Variants in TAFA5 observed in about 807,000 individuals in gnomAD.
TAFA5 encodes the protein TAFA chemokine like family member 5.
A neutral mutation model predicts 15.3 loss-of-function variants in TAFA5; 6 were observed. That is an observed-to-expected ratio of 0.39 (90% CI 0.21 to 0.77). The LOEUF (loss-of-function observed/expected upper bound fraction) is 0.77, where lower values mean the gene tolerates loss of function less well. Among genes scored for constraint, TAFA5 ranks in the 30% least tolerant of loss-of-function variants. The probability of loss-of-function intolerance (pLI) is 0.41; values close to 1 mark genes in which losing one functional copy is unlikely to be tolerated. For synonymous variants in TAFA5, 103 were observed against 80.7 expected, an observed-to-expected ratio of 1.28 and a Z score of -1.48; for missense variants, 161 against 193.1, an observed-to-expected ratio of 0.83 and a Z score of 0.98.
At chr22:48,659,083 G>T (rs903226017) in intron 2 of TAFA5, among the ~76,000 whole-genome samples, 3 of 152,248 alleles carry the variant, frequency 2.0e-5, no homozygotes, top group African/African-American at 7.2e-5. Context: ...CCCTGCTGAG[G>T]GCGCAGCGCC....
At chr22:48,556,220 C>T (rs1018531554) in intron 1 of TAFA5, among the ~76,000 whole-genome samples, 4 of 152,078 alleles carry the variant, frequency 2.6e-5, no homozygotes, top group South Asian at 2.1e-4. Flanking sequence ...TGAGAAGAGG[C>T]GGGTCCCTCA....
intron 2 of TAFA5, among the ~76,000 whole-genome samples, chr22:48,700,787 A>G (rs1462377950): frequency 6.6e-6 from 1 of 152,174 alleles, no homozygotes. Context: ...GTCCCACTTC[A>G]GCAGTTCAGA....
chr22:48,576,512 C>G, intron 1 of TAFA5: 1 of 1,508,906 alleles, frequency 6.6e-7, no homozygotes, highest in Non-Finnish European at 8.9e-7. Flanking sequence ...TGGGCACTGG[C>G]AGGGGCCGCG....
chr22:48,585,415 ACACACACAACACAT>A (rs1924312000), intron 1 of TAFA5, among the ~76,000 whole-genome samples: 1 of 151,226 alleles, frequency 6.6e-6, no homozygotes, highest in Non-Finnish European at 1.5e-5. Flanking sequence ...CACCACATAC[ACACACACAACACAT>A]CACACACATG....
intron 1 of TAFA5, among the ~76,000 whole-genome samples, chr22:48,629,870 C>T (rs754297575): frequency 1.3e-5 from 2 of 152,328 alleles, no homozygotes; most frequent in South Asian, 2.1e-4. Flanking sequence ...CACCCGGCAA[C>T]GCCGAGTGTC....
intron 3 of TAFA5, among the ~76,000 whole-genome samples, chr22:48,720,765 T>TTGGC (rs199606806): frequency 4.6e-5 from 7 of 151,664 alleles, no homozygotes; most frequent in Non-Finnish European, 8.9e-5. Flanking sequence ...CTCCACAGGG[T>TTGGC]TCCCTGTGCT....
chr22:48,707,148 C>T (rs1385926548), intron 2 of TAFA5, among the ~76,000 whole-genome samples: 1 of 152,016 alleles, frequency 6.6e-6, no homozygotes, highest in Non-Finnish European at 1.5e-5. Context: ...AGGGGTCAGC[C>T]GGGCATCTGC....
intron 1 of TAFA5, among the ~76,000 whole-genome samples, chr22:48,639,955 G>A (rs1440843822): frequency 2.0e-5 from 3 of 150,720 alleles, no homozygotes; most frequent in Non-Finnish European, 4.4e-5. Flanking sequence ...CAACCCCGCC[G>A]CCCAAGGCCT....
At chr22:48,616,739 G>A (rs1925619942) in intron 1 of TAFA5, among the ~76,000 whole-genome samples, 1 of 152,144 alleles carries the variant, frequency 6.6e-6, no homozygotes, top group Non-Finnish European at 1.5e-5. Context: ...CAGCGAGGTG[G>A]GTCAGCAGCG....
At chr22:48,652,203 G>T (rs542334976) in intron 2 of TAFA5, among the ~76,000 whole-genome samples, 6 of 152,374 alleles carry the variant, frequency 3.9e-5, no homozygotes, top group Middle Eastern at 3.4e-3. Flanking sequence ...CACCAGGAGC[G>T]ACGTGAATCA....
At chr22:48,653,268 C>T (rs368872254) in intron 2 of TAFA5, among the ~76,000 whole-genome samples, 3 of 152,322 alleles carry the variant, frequency 2.0e-5, no homozygotes, top group Middle Eastern at 3.4e-3. Context: ...CCCTGGGATG[C>T]GGGCACCATG....
intron 2 of TAFA5, among the ~76,000 whole-genome samples, chr22:48,698,194 G>A (rs1928787319): frequency 6.6e-6 from 1 of 151,020 alleles, no homozygotes; most frequent in Admixed American, 6.6e-5. Context: ...GATGATGATG[G>A]TGACAATAAT....
intron 1 of TAFA5, among the ~76,000 whole-genome samples, chr22:48,619,846 G>A (rs551921325): frequency 2.3e-4 from 35 of 152,344 alleles, no homozygotes; most frequent in African/African-American, 8.4e-4. Context: ...CGTTGCTCTG[G>A]GCCCTGGCTC....
At chr22:48,588,714 A>G (rs1470840325) in intron 1 of TAFA5, among the ~76,000 whole-genome samples, 1 of 152,092 alleles carries the variant, frequency 6.6e-6, no homozygotes, top group Non-Finnish European at 1.5e-5. Context: ...GGGGCAGGGC[A>G]GGGCCTGGAG....
At chr22:48,708,509 T>C (rs132239) in intron 3 of TAFA5, among the ~76,000 whole-genome samples, 106,539 of 152,136 alleles carry the variant, frequency 0.7, 37,484 homozygotes, top group Middle Eastern at 0.72. Flanking sequence ...CCTCCAGGCA[T>C]GCCACGGATG....
At chr22:48,554,762 T>A (rs910564160) in intron 1 of TAFA5, among the ~76,000 whole-genome samples, 10 of 152,252 alleles carry the variant, frequency 6.6e-5, no homozygotes, top group Non-Finnish European at 1.0e-4. Flanking sequence ...GCTAAGATTC[T>A]CTGCAGACCT....
chr22:48,648,438 T>C (rs1397135748), intron 2 of TAFA5, among the ~76,000 whole-genome samples: 2 of 152,144 alleles, frequency 1.3e-5, no homozygotes, highest in Non-Finnish European at 2.9e-5. Context: ...TAGAGCCTGC[T>C]GCTACGTGGG....
At chr22:48,663,101 C>CTG (rs56245953) in intron 2 of TAFA5, among the ~76,000 whole-genome samples, 129,093 of 152,096 alleles carry the variant, frequency 0.85, 55,042 homozygotes, top group East Asian at 1. Flanking sequence ...TGCTGGGCCC[C>CTG]TGGGTGTCTT....
chr22:48,617,348 CAGAGACCTT>C (rs1264279429), intron 1 of TAFA5, among the ~76,000 whole-genome samples: 1 of 152,164 alleles, frequency 6.6e-6, no homozygotes, highest in African/African-American at 2.4e-5. Flanking sequence ...AGATTCTCCC[CAGAGACCTT>C]AGAAGAAATC....
Sources: gnomAD v4.1 joint callset for allele counts (sites outside exome capture counted in the v4.1 genomes callset) on GRCh38, gnomAD v4.1.1 for gene constraint, MANE v1.5 for transcripts, NCBI Gene and HGNC (gene_info 2026-07-23, HGNC 2026-07-21) for gene names.